The following ARHGAP35 variants were observed in gnomAD, a reference collection of about 807,000 sequenced individuals.
ARHGAP35 encodes rho GTPase-activating protein 35.
In ARHGAP35, 15 loss-of-function variants were observed where a neutral mutation model predicts 111.1. The observed-to-expected ratio is 0.13, with a 90% CI of 0.09 to 0.21. The LOEUF is 0.21. Ranked by LOEUF, ARHGAP35 falls within the 10% of genes least tolerant of loss-of-function variation. The probability of loss-of-function intolerance (pLI) is 1.00; values close to 1 mark genes in which losing one functional copy is unlikely to be tolerated. For missense variants in ARHGAP35, 1,262 were observed against 1,873.0 expected (o/e 0.67, Z 6.02); for synonymous variants, 643 against 710.3 (o/e 0.91, Z 1.51).
chr19:47,000,829 G>A lies in ARHGAP35; in HGVS notation c.*141G>A. The A allele has an allele frequency of 1.3e-6, 2 of 1,540,926 alleles. No homozygotes were observed. Among genetic ancestry groups the A allele is most frequent in the Non-Finnish European group, 1.7e-6 (2 of 1,146,806 alleles). On this transcript the variant is annotated 3_prime_UTR_variant, in exon 7 of 7. Transcript: ENST00000672722. This position sits in a 1 kb window ranked among gnomAD's most constrained non-coding sequence, Gnocchi z 6.9. ...TTACCTTCTCAAGACCTCAGTGGGA[G>A]CACCAGCCAATGGTACCATCGGCTG...
Position 46,908,563 on chromosome 19 carries a change from C to G in ARHGAP35, c.-188-9925C>G, listed in dbSNP as rs546433339. On this transcript the variant is annotated intron_variant, in intron 1 of 6. Transcript: ENST00000672722. The surrounding 1 kb of genome is among the most constrained non-coding windows in gnomAD (Gnocchi z 4.2). ...AAGACTTCTTAGCTTTTGATTTTGT[C>G]TTTGTTTATATTTGCCTTATACTTT... 6.6e-6 allele frequency among the ~76,000 whole-genome samples: 1 copy of G among 152,222 alleles called. No individual in the cohort carries two copies. The highest frequency in any genetic ancestry group is 2.1e-4 in the South Asian group (1 of 4,830).
intron 3 of ARHGAP35, among the ~76,000 whole-genome samples, chr19:46,961,659 G>A (rs768782023): frequency 6.6e-6 from 1 of 152,210 alleles, no homozygotes; most frequent in African/African-American, 2.4e-5. Context: ...GCCAGGTGCG[G>A]TGGCTCATGC....
chr19:46,866,660 A>G (rs1259438660), intron 1 of ARHGAP35, among the ~76,000 whole-genome samples: 1 of 151,762 alleles, frequency 6.6e-6, no homozygotes, highest in African/African-American at 2.4e-5. Flanking sequence ...CCAATCCCCA[A>G]CTGCCTGTCA....
intron 3 of ARHGAP35, among the ~76,000 whole-genome samples, chr19:46,941,203 A>G (rs1270284784): frequency 2.0e-5 from 3 of 152,202 alleles, no homozygotes; most frequent in Non-Finnish European, 2.9e-5. Context: ...GCCTTAGGGC[A>G]TTCCCCTTGT....
intron 1 of ARHGAP35, among the ~76,000 whole-genome samples, chr19:46,888,298 ATATATATATATATATAT>A (rs2056004823): frequency 1.5e-5 from 1 of 66,592 alleles, no homozygotes; most frequent in Non-Finnish European, 2.8e-5. Context: ...ATATATATAT[ATATATATATATATATAT>A]ATAAAATATT....
At chr19:46,903,607 A>G (rs1196688469) in intron 1 of ARHGAP35, among the ~76,000 whole-genome samples, 1 of 152,218 alleles carries the variant, frequency 6.6e-6, no homozygotes, top group Non-Finnish European at 1.5e-5. Flanking sequence ...AGCAATTAGG[A>G]CAGCTGTCAT....
In ARHGAP35 at chr19:46,994,046, G is replaced by T. The variant is rs556167250; in HGVS notation, c.4036+4371G>T. 2.6e-5 allele frequency among the ~76,000 whole-genome samples: 4 copies of T among 152,192 alleles called. No individual in the cohort carries two copies. Among genetic ancestry groups the T allele is most frequent in the South Asian group, 2.1e-4 (1 of 4,828 alleles). ...TCTGGGTCCTGAGGGGACTCTGAAG[G>T]GGGTGGAGGTTACACCAAAAGTCTG... is the stretch of plus-strand genomic sequence containing the variant. On this transcript the variant is annotated intron_variant, in intron 5 of 6. Transcript: ENST00000672722. The surrounding 1 kb of genome is among the most constrained non-coding windows in gnomAD (Gnocchi z 5.4).
At chr19:46,966,906 G>C (rs982507383) in intron 3 of ARHGAP35, among the ~76,000 whole-genome samples, 2 of 152,180 alleles carry the variant, frequency 1.3e-5, no homozygotes, top group African/African-American at 4.8e-5. Flanking sequence ...CAGGGAGCTT[G>C]CTTGCTTGGA....
chr19:46,980,996 C>T (rs1259547162), intron 3 of ARHGAP35, among the ~76,000 whole-genome samples: 2 of 152,222 alleles, frequency 1.3e-5, no homozygotes, highest in South Asian at 2.1e-4. Flanking sequence ...TGCCCCCTCA[C>T]CCTTTGATCT....
intron 1 of ARHGAP35, among the ~76,000 whole-genome samples, chr19:46,891,578 C>T (rs2056024110): frequency 6.6e-6 from 1 of 152,036 alleles, no homozygotes; most frequent in South Asian, 2.1e-4. Flanking sequence ...AGGCTAGCAC[C>T]ACCATGCCCA....
chr19:46,998,911 G>A (rs574097555), intron 5 of ARHGAP35, among the ~76,000 whole-genome samples: 8 of 152,256 alleles, frequency 5.3e-5, no homozygotes, highest in Non-Finnish European at 1.2e-4. Flanking sequence ...TGGGTGGGTG[G>A]CAGCGGCCGC....
At chr19:46,934,719 G>T (rs1396184947) in intron 2 of ARHGAP35, among the ~76,000 whole-genome samples, 2 of 151,910 alleles carry the variant, frequency 1.3e-5, no homozygotes, top group African/African-American at 2.4e-5. Context: ...ACCCAGGCTG[G>T]AGTGCAGTGG....
chr19:46,926,315 C>G lies in ARHGAP35; in HGVS notation c.3681+3959C>G, dbSNP rs961504031. Among the ~76,000 whole-genome samples the G allele has an allele frequency of 2.6e-5, 4 of 152,164 alleles. No individual in the cohort carries two copies. Among genetic ancestry groups the G allele is most frequent in the African/African-American group, 9.7e-5 (4 of 41,434 alleles). On this transcript the variant is annotated intron_variant, in intron 2 of 6. Transcript: ENST00000672722. The surrounding 1 kb of genome is among the most constrained non-coding windows in gnomAD (Gnocchi z 4.1). Reference sequence around the variant, plus strand: ...TAGCAACCCACCCTCATAGTGGGAGCCTTCCGCACTCAGCTGAATGAAATT... The same window carrying G: ...TAGCAACCCACCCTCATAGTGGGAGGCTTCCGCACTCAGCTGAATGAAATT...
intron 1 of ARHGAP35, among the ~76,000 whole-genome samples, chr19:46,904,554 G>T (rs1415436249): frequency 6.6e-6 from 1 of 152,192 alleles, no homozygotes; most frequent in African/African-American, 2.4e-5. Flanking sequence ...AAATTACAAA[G>T]ACTGGGCCTG....
chr19:46,971,651 C>T (rs1285735818), intron 3 of ARHGAP35, among the ~76,000 whole-genome samples: 2 of 151,724 alleles, frequency 1.3e-5, no homozygotes, highest in Non-Finnish European at 2.9e-5. Flanking sequence ...AGGCGCACGC[C>T]ACCACACCTG....
intron 5 of ARHGAP35, among the ~76,000 whole-genome samples, chr19:46,990,721 G>A (rs946615461): frequency 6.6e-6 from 1 of 152,204 alleles, no homozygotes; most frequent in Non-Finnish European, 1.5e-5. Context: ...AGAAATTTGA[G>A]GGAGGTGATG....
chr19:46,927,416 A>C (rs558229170), intron 2 of ARHGAP35, among the ~76,000 whole-genome samples: 1 of 152,358 alleles, frequency 6.6e-6, no homozygotes, highest in Admixed American at 6.5e-5. Context: ...CTGCGGTATC[A>C]GGAAAGCTCC....
chr19:46,921,827 T>G lies in ARHGAP35; in HGVS notation c.3152T>G (p.Ile1051Ser). The G allele has an allele frequency of 6.2e-7, 1 of 1,613,904 alleles. No individual in the cohort carries two copies. The highest frequency in any genetic ancestry group is 8.5e-7 in the Non-Finnish European group (1 of 1,179,860). ...VKPKPPVHFE[I>S]TKGDLSYLDQ... The stretch of plus-strand genomic sequence containing the variant: ...CCAAAGCCTCCTGTCCATTTTGAAA[T>G]TACAAAGGGGGATCTATCTTATTTA... The change falls in exon 2 of 7, where the codon ATT becomes AGT. Residue 1051 changes from isoleucine (I) to serine (S), a missense_variant. Around this residue, in one of 8 missense-constraint regions of ARHGAP35, gnomAD observed 579 missense variants for 716.9 expected, o/e 0.81. Transcript: ENST00000672722. The surrounding 1 kb of genome is among the most constrained non-coding windows in gnomAD (Gnocchi z 4.3).
intron 1 of ARHGAP35, among the ~76,000 whole-genome samples, chr19:46,866,511 G>T (rs973139228): frequency 4.6e-5 from 7 of 152,170 alleles, no homozygotes; most frequent in African/African-American, 1.4e-4. Flanking sequence ...ACCTCTCTGG[G>T]CTTCACCTTC....
Sources: gnomAD v4.1 joint callset for allele counts (sites outside exome capture counted in the v4.1 genomes callset) on GRCh38, gnomAD v4.1.1 for gene constraint, gnomAD v4.1.1 regional missense constraint, Gnocchi (gnomAD v3.1) non-coding constraint, MANE v1.5 for transcripts, NCBI Gene and HGNC (gene_info 2026-07-23, HGNC 2026-07-21) for gene names.